Variants in FGD5 observed in about 807,000 individuals in gnomAD.
FGD5 encodes the protein FYVE, RhoGEF and PH domain-containing protein 5.
In FGD5, 28 loss-of-function variants were observed where a neutral mutation model predicts 133.4. The observed-to-expected ratio is 0.21, with a 90% confidence interval of 0.16 to 0.29. FGD5 has a LOEUF of 0.29. FGD5 is among the 10% of genes least tolerant of loss of function. The pLI, the probability that FGD5 is intolerant of heterozygous loss-of-function variation, is 1.00. For missense variants in FGD5, 1,858 were observed against 1,895.2 expected (o/e 0.98, Z 0.36); for synonymous variants, 810 against 776.5 (o/e 1.04, Z -0.72).
At chr3:14,825,839 A>G (rs1451894194) in intron 1 of FGD5, among the ~76,000 whole-genome samples, 2 of 152,174 alleles carry the variant, frequency 1.3e-5, no homozygotes, top group African/African-American at 2.4e-5. Context: ...CGAATATCCT[A>G]TAGCACCCTG....
Position 14,898,756 on chromosome 3 carries a change from C to T in FGD5, c.3084C>T (p.Gly1028=). The change falls in exon 7 of 20, where the codon GGC becomes GGT. Residue 1028 remains glycine, a synonymous_variant. Coordinates refer to ENST00000285046, the MANE Select transcript of FGD5 (RefSeq NM_152536.4). ...GAGAGCAGCAGAGTGTACAAGGAGG[C>T]AGCCAGACTGCGAAGCATCGGCTGC... is the stretch of plus-strand genomic sequence containing the variant. ...VREFEQSVQG[G]SQTAKHRLLR... 6.3e-7 allele frequency: 1 copy of T among 1,585,296 alleles called. No homozygotes were observed. The highest frequency in any genetic ancestry group is 8.6e-7 in the Non-Finnish European group (1 of 1,166,160).
rs148175075 is a variant in FGD5 at position 14,897,955 on chromosome 3, G to A, written c.2926G>A (p.Val976Ile). 2.5e-4 allele frequency: 402 copies of A among 1,613,966 alleles called. No individual in the cohort carries two copies. In the African/African-American group the frequency reaches 4.5e-3, roughly 18 times the overall value. The change falls in exon 6 of 20, where the codon GTA (valine) becomes ATA (isoleucine). Residue 976 changes from valine to isoleucine, a missense_variant. This residue lies in a region of FGD5 where 1,824 missense variants were observed against 1,848.9 expected (regional missense o/e 0.99). Transcript: ENST00000285046. ...RLSNWESQQK[V>I]ADVFLAREQG... is the part of the protein sequence containing the mutation. ...TGGCTGCAGGGAGAGCCAGCAGAAG[G>A]TAGCTGACGTCTTCCTGGCCCGGGA... is the stretch of plus-strand genomic sequence containing the variant.
At chr3:14,834,980 C>G (rs908027112) in intron 1 of FGD5, among the ~76,000 whole-genome samples, 1 of 152,174 alleles carries the variant, frequency 6.6e-6, no homozygotes, top group Non-Finnish European at 1.5e-5. Flanking sequence ...GATCATCAGC[C>G]CCATTTTACA....
In FGD5 at chr3:14,918,830, C is replaced by T. The variant is rs760494516; in HGVS notation, c.3566C>T (p.Ala1189Val). The T allele has an allele frequency of 3.9e-5, 63 of 1,613,666 alleles. No homozygotes were observed. The highest frequency in any genetic ancestry group is 5.1e-5 in the Non-Finnish European group (60 of 1,179,878). Residue 1189 changes from alanine to valine, a missense_variant, in exon 13 of 20, where the codon GCG becomes GTG. By Grantham distance (64) the Ala-to-Val change is moderately conservative. Transcript: ENST00000285046. ...ETSESCLMLS[A>V]SSCAERDEWY... Reference sequence around the variant, plus strand: ...TCCGAGTCCTGCCTGATGCTGTCTGCGAGGTACGGGCAGGTGGAGGGAGGA... The same window carrying T: ...TCCGAGTCCTGCCTGATGCTGTCTGTGAGGTACGGGCAGGTGGAGGGAGGA...
rs765986398 is a variant in FGD5, at chr3:14,821,034, C to T, written c.1963C>T (p.Arg655Cys). The T allele has an allele frequency of 1.7e-5, 28 of 1,613,924 alleles. 1 individual carries two copies. In the South Asian group the frequency reaches 2.1e-4, roughly 12 times the overall value. ...KYKKKKSSFKRFLALTFKKKT... is the reference protein window; with the variant it reads ...KYKKKKSSFKCFLALTFKKKT... Reference sequence around the variant, plus strand: ...CAAGAAGAAGAAGTCATCCTTTAAGCGCTTCCTGGCACTGACGTTTAAGAA... The same window carrying T: ...CAAGAAGAAGAAGTCATCCTTTAAGTGCTTCCTGGCACTGACGTTTAAGAA... Residue 655 changes from arginine to cysteine, a missense_variant, in exon 1 of 20, where the codon CGC (arginine) becomes TGC (cysteine). Physicochemically the swap from Arg to Cys is radical, Grantham distance 180. Around this residue, in one of 3 missense-constraint regions of FGD5, gnomAD observed 1,824 missense variants for 1,848.9 expected, o/e 0.99. Transcript: ENST00000285046.
chr3:14,872,933 T>A (rs1575222636), intron 2 of FGD5, among the ~76,000 whole-genome samples: 2 of 152,216 alleles, frequency 1.3e-5, no homozygotes, highest in East Asian at 1.9e-4. Flanking sequence ...AGTGCTTGTT[T>A]AGCTGCTGGT....
At chr3:14,868,614 T>G (rs4552332) in intron 2 of FGD5, among the ~76,000 whole-genome samples, 14,159 of 152,224 alleles carry the variant, frequency 0.093, 817 homozygotes, top group East Asian at 0.3. Context: ...CACTGCAAAC[T>G]CTTGCTTCTC....
In FGD5 at chr3:14,865,545, C is replaced by A. The variant is rs74462201; in HGVS notation, c.2658+1285C>A. On this transcript the variant is annotated intron_variant, in intron 2 of 19. Transcript: ENST00000285046. ...TGGCTCCTTCACACCCTCCCCACCC[C>A]CTTCCCCTCTCACTCATCTCCCCGC... Among the ~76,000 whole-genome samples, 22 of 152,104 alleles carry A rather than the reference C, an allele frequency of 1.4e-4. No homozygotes were observed. The South Asian group carries it at 1.7e-3, about 11-fold the overall frequency.
At chr3:14,864,328 C>G in intron 2 of FGD5, 68 bp downstream of exon 2, 1 of 1,607,012 alleles carries the variant, frequency 6.2e-7, no homozygotes, top group South Asian at 1.1e-5. Flanking sequence ...TGTAACAGAT[C>G]TGCTCCTTCC....
rs369369417 is a variant in FGD5, at chr3:14,898,775, C to A, written c.3103C>A (p.Arg1035=). 2 of 1,585,900 alleles carry A rather than the reference C, an allele frequency of 1.3e-6. No homozygotes were observed. Among genetic ancestry groups the A allele is most frequent in the Non-Finnish European group, 1.7e-6 (2 of 1,166,690 alleles). ...VQGGSQTAKH[R]LLRVVQRLFQ... ...AGGAGGCAGCCAGACTGCGAAGCAT[C>A]GGCTGCTGCGGGTGGTTCAACGCCT... is the stretch of plus-strand genomic sequence containing the variant. The change falls in exon 7 of 20, where the codon CGG becomes AGG. Residue 1035 remains arginine, a synonymous_variant. Transcript: ENST00000285046.
chr3:14,894,450 T>G (rs1203578245), intron 4 of FGD5, among the ~76,000 whole-genome samples: 1 of 152,100 alleles, frequency 6.6e-6, no homozygotes. Flanking sequence ...TGTATTTGGT[T>G]TTCTTTCTTT....
intron 10 of FGD5, 149 bp downstream of exon 10, chr3:14,907,860 G>C: frequency 1.4e-6 from 1 of 735,090 alleles, no homozygotes; most frequent in East Asian, 2.8e-5. Context: ...TGGGCTCACT[G>C]GATTCTCCTG....
chr3:14,849,164 T>G (rs144914749), intron 1 of FGD5, among the ~76,000 whole-genome samples: 4 of 152,192 alleles, frequency 2.6e-5, no homozygotes, highest in Admixed American at 2.0e-4. Flanking sequence ...TGTCTGGCCC[T>G]GTGTGATGGA....
chr3:14,821,608 T>C lies in FGD5; in HGVS notation c.2525+12T>C, dbSNP rs775552604. ...CAGGACGCAGAAAGGTACCTGACAT[T>C]CTATTTCCTTTCTTGTTCGGCAGCT... is the stretch of plus-strand genomic sequence containing the variant. On this transcript the variant is annotated intron_variant, in intron 1 of 19. Coordinates refer to ENST00000285046, the MANE Select transcript of FGD5 (RefSeq NM_152536.4). 1.3e-6 allele frequency: 2 copies of C among 1,560,518 alleles called. No homozygotes were observed. Among genetic ancestry groups the C allele is most frequent in the East Asian group, 4.5e-5 (2 of 44,086 alleles).
At chr3:14,858,001 C>T (rs891477718) in intron 1 of FGD5, among the ~76,000 whole-genome samples, 2 of 151,930 alleles carry the variant, frequency 1.3e-5, no homozygotes, top group African/African-American at 4.8e-5. Context: ...GGGATTCCAC[C>T]CAGGCAGTCT....
chr3:14,907,715 A>G lies in FGD5; in HGVS notation c.3336+4A>G, dbSNP rs760006191. The G allele has an allele frequency of 6.2e-7, 1 of 1,613,276 alleles. No homozygotes were observed. Among genetic ancestry groups the G allele is most frequent in the Non-Finnish European group, 8.5e-7 (1 of 1,179,490 alleles). On this transcript the variant is annotated splice_donor_region_variant and intron_variant, in intron 10 of 19. Transcript: ENST00000285046. ...GGATCTCCTCCAGCCAGGAAGGGTG[A>G]GTGCCGCCACCATGGGTAGGGGCAG... is the stretch of plus-strand genomic sequence containing the variant.
At chr3:14,859,525 A>T (rs1172396902) in intron 1 of FGD5, among the ~76,000 whole-genome samples, 1 of 152,074 alleles carries the variant, frequency 6.6e-6, no homozygotes, top group East Asian at 1.9e-4. Flanking sequence ...ATCACACTGC[A>T]CTCCAGCCTG....
chr3:14,898,122 T>A, intron 6 of FGD5, 27 bp downstream of exon 6: 2 of 1,613,420 alleles, frequency 1.2e-6, no homozygotes, highest in Non-Finnish European at 1.7e-6. Context: ...TCTGAGACCC[T>A]GCTGTAAGGA....
At chr3:14,812,724 G>A (rs940507531) in intron 1 of FGD5, among the ~76,000 whole-genome samples, 8 of 152,134 alleles carry the variant, frequency 5.3e-5, no homozygotes, top group Admixed American at 5.2e-4. Context: ...GCTTAGTTAT[G>A]TGACCTTAAG....
Sources: gnomAD v4.1 joint callset for allele counts (sites outside exome capture counted in the v4.1 genomes callset) on GRCh38, gnomAD v4.1.1 for gene constraint, gnomAD v4.1.1 regional missense constraint, MANE v1.5 for transcripts, NCBI Gene and HGNC (gene_info 2026-07-23, HGNC 2026-07-21) for gene names.